RORA: variants seen among roughly 807,000 people sequenced by gnomAD.
RORA encodes the protein RAR related orphan receptor A.
Under a neutral mutation model 69.5 loss-of-function variants are expected in RORA, and 7 were observed. The observed-to-expected ratio is 0.10, with a 90% confidence interval of 0.06 to 0.19. The LOEUF is 0.19. Among genes scored for constraint, RORA ranks in the 10% least tolerant of loss-of-function variants. RORA has a pLI of 1.00. For synonymous variants in RORA, 261 were observed against 240.8 expected (o/e 1.08, Z -0.78); for missense variants, 457 against 663.0 (o/e 0.69, Z 3.41).
chr15:61,124,784 T>C (rs2079129993), intron 1 of RORA, among the ~76,000 whole-genome samples: 1 of 152,214 alleles, frequency 6.6e-6, no homozygotes, highest in East Asian at 1.9e-4. Flanking sequence ...AACCCCTCTC[T>C]GAGCCTCAGT....
chr15:61,141,875 C>G (rs1364753649), intron 1 of RORA, among the ~76,000 whole-genome samples: 2 of 146,312 alleles, frequency 1.4e-5, no homozygotes, highest in Non-Finnish European at 3.0e-5. Flanking sequence ...ACCTCATTAG[C>G]AAAGAGCTGC....
chr15:61,206,683 A>G (rs1217658170), intron 1 of RORA, among the ~76,000 whole-genome samples: 1 of 152,126 alleles, frequency 6.6e-6, no homozygotes, highest in East Asian at 1.9e-4. Context: ...TGTGGGAGAA[A>G]AGGATAAGGA....
At chr15:60,637,973 G>A (rs1037468235) in intron 2 of RORA, among the ~76,000 whole-genome samples, 35 of 152,124 alleles carry the variant, frequency 2.3e-4, no homozygotes, top group African/African-American at 7.2e-4. Context: ...ACGATGCAGT[G>A]TTAGCTCTTG....
intron 1 of RORA, among the ~76,000 whole-genome samples, chr15:60,882,536 G>A (rs1353425697): frequency 2.0e-5 from 3 of 152,118 alleles, no homozygotes; most frequent in Non-Finnish European, 2.9e-5. Flanking sequence ...CCAGTTTGGA[G>A]GTGGTAGAGC....
intron 1 of RORA, among the ~76,000 whole-genome samples, chr15:60,982,516 A>G (rs1404650369): frequency 6.6e-6 from 1 of 152,184 alleles, no homozygotes. Flanking sequence ...GCAAGTTCTC[A>G]GTCAGGAGAG....
intron 1 of RORA, among the ~76,000 whole-genome samples, chr15:60,835,700 T>A (rs1019198295): frequency 2.0e-5 from 3 of 152,268 alleles, no homozygotes; most frequent in African/African-American, 7.2e-5. Context: ...GACTCTTACT[T>A]CCCTGTCCAA....
chr15:60,734,863 G>A (rs2071477900), intron 1 of RORA, among the ~76,000 whole-genome samples: 1 of 152,182 alleles, frequency 6.6e-6, no homozygotes, highest in Admixed American at 6.5e-5. Context: ...CTGTTTTCCT[G>A]CATTTCTAAT....
chr15:60,860,213 C>A (rs2073424089), intron 1 of RORA, among the ~76,000 whole-genome samples: 1 of 152,134 alleles, frequency 6.6e-6, no homozygotes, highest in Admixed American at 6.5e-5. Flanking sequence ...GGCCTAAAAC[C>A]AAATCTGTGT....
At chr15:60,873,808 A>T (rs1421303043) in intron 1 of RORA, among the ~76,000 whole-genome samples, 2 of 152,170 alleles carry the variant, frequency 1.3e-5, no homozygotes. Context: ...AACATTCCCA[A>T]ATAATACATT....
chr15:61,096,167 G>A (rs947100499), intron 1 of RORA, among the ~76,000 whole-genome samples: 2 of 152,160 alleles, frequency 1.3e-5, no homozygotes, highest in Admixed American at 1.3e-4. Context: ...CACATTGGGG[G>A]AGTGTGAGGC....
intron 1 of RORA, among the ~76,000 whole-genome samples, chr15:60,766,726 C>T (rs913380161): frequency 1.3e-5 from 2 of 151,872 alleles, no homozygotes; most frequent in African/African-American, 2.4e-5. Context: ...TTGCTGGGGC[C>T]GAGTTTTAAA....
intron 1 of RORA, among the ~76,000 whole-genome samples, chr15:60,864,528 C>T (rs1487483388): frequency 2.6e-5 from 4 of 151,276 alleles, no homozygotes; most frequent in East Asian, 3.9e-4. Flanking sequence ...TCCTGGGACA[C>T]TCCAAATGTG....
At chr15:60,856,288 T>C (rs1177748027) in intron 1 of RORA, among the ~76,000 whole-genome samples, 3 of 152,208 alleles carry the variant, frequency 2.0e-5, no homozygotes, top group Non-Finnish European at 4.4e-5. Flanking sequence ...GTGGAAACCA[T>C]TCAGATGCCT....
At chr15:60,744,938 AT>A (rs2071626549) in intron 1 of RORA, among the ~76,000 whole-genome samples, 1 of 152,148 alleles carries the variant, frequency 6.6e-6, no homozygotes, top group South Asian at 2.1e-4. Context: ...TTAAATGGAA[AT>A]GCTGGAGGGC....
rs1260899500 is a variant in RORA at position 61,061,150 on chromosome 15, G to C, written c.166+167903C>G. On this transcript the variant is annotated intron_variant, in intron 1 of 10. Transcript: ENST00000335670. The surrounding 1 kb of genome is among the most constrained non-coding windows in gnomAD (Gnocchi z 4.4). Reference sequence around the variant, plus strand: ...GGGCGGATCACAAGATCAGGAGATCGAGACCATCCTGGCTAACATGGTGAA... The same window carrying C: ...GGGCGGATCACAAGATCAGGAGATCCAGACCATCCTGGCTAACATGGTGAA... Among the ~76,000 whole-genome samples the C allele has an allele frequency of 2.6e-5, 4 of 152,018 alleles. No individual in the cohort carries two copies. The highest frequency in any genetic ancestry group is 5.9e-5 in the Non-Finnish European group (4 of 68,008).
rs2079363247 is a variant in RORA, at chr15:61,147,783, G to GTGTGTGTGTGTA, written c.166+81269_166+81270insTACACACACACA. On this transcript the variant is annotated intron_variant, in intron 1 of 10. Transcript: ENST00000335670. The surrounding 1 kb of genome is among the most constrained non-coding windows in gnomAD (Gnocchi z 4.1). ...CGCACACGCGTGTGTGTGTGTGTGT[G>GTGTGTGTGTGTA]TGTGTGTGTGTGAAATCTTTAGGTT... Among the ~76,000 whole-genome samples the GTGTGTGTGTGTA allele has an allele frequency of 6.6e-6, 1 of 151,962 alleles. No homozygotes were observed. Among genetic ancestry groups the GTGTGTGTGTGTA allele is most frequent in the Non-Finnish European group, 1.5e-5 (1 of 67,984 alleles).
chr15:60,690,372 C>G (rs1415221235), intron 1 of RORA, among the ~76,000 whole-genome samples: 2 of 152,208 alleles, frequency 1.3e-5, no homozygotes, highest in Non-Finnish European at 2.9e-5. Flanking sequence ...TCCTTTCTCT[C>G]TCTCTTCCCA....
intron 1 of RORA, among the ~76,000 whole-genome samples, chr15:60,709,890 G>A (rs1340657554): frequency 6.6e-6 from 1 of 152,104 alleles, no homozygotes; most frequent in African/African-American, 2.4e-5. Context: ...CATGAAACTG[G>A]TCTCTGGTGC....
intron 2 of RORA, among the ~76,000 whole-genome samples, chr15:60,595,088 A>G (rs2068637007): frequency 6.6e-6 from 1 of 150,888 alleles, no homozygotes; most frequent in Non-Finnish European, 1.5e-5. Context: ...TAAGGCCCCA[A>G]CCAAACAAAT....
Sources: gnomAD v4.1 joint callset for allele counts (sites outside exome capture counted in the v4.1 genomes callset) on GRCh38, gnomAD v4.1.1 for gene constraint, Gnocchi (gnomAD v3.1) non-coding constraint, MANE v1.5 for transcripts, NCBI Gene and HGNC (gene_info 2026-07-23, HGNC 2026-07-21) for gene names.